Variants in SDCCAG8 observed in about 807,000 individuals in gnomAD.
The protein encoded by SDCCAG8 is SHH signaling and ciliogenesis regulator SDCCAG8.
A neutral mutation model predicts 101.8 loss-of-function variants in SDCCAG8; 74 were observed. That is an observed-to-expected ratio of 0.73 (90% CI 0.60 to 0.88). SDCCAG8 has a LOEUF of 0.88. Ranked by LOEUF, SDCCAG8 falls within the 40% of genes least tolerant of loss-of-function variation. The probability of loss-of-function intolerance (pLI) is 0.00; values close to 1 mark genes in which losing one functional copy is unlikely to be tolerated. For synonymous variants in SDCCAG8, 281 were observed against 292.9 expected (o/e 0.96, Z 0.41); for missense variants, 787 against 822.6 (o/e 0.96, Z 0.53).
At chr1:243,309,948 C>T (rs1213295184) in intron 8 of SDCCAG8, among the ~76,000 whole-genome samples, 1 of 152,142 alleles carries the variant, frequency 6.6e-6, no homozygotes, top group East Asian at 1.9e-4. Flanking sequence ...TCTGCAACCT[C>T]TGCTTCTCGG....
At chr1:243,384,722 C>T (rs73118371) in intron 13 of SDCCAG8, among the ~76,000 whole-genome samples, 123 of 151,914 alleles carry the variant, frequency 8.1e-4, no homozygotes, top group African/African-American at 2.8e-3. Flanking sequence ...GTAGGAGGGT[C>T]GCTTGAGCCC....
chr1:243,261,004 T>G (rs2067154228), intron 1 of SDCCAG8, among the ~76,000 whole-genome samples: 1 of 152,210 alleles, frequency 6.6e-6, no homozygotes, highest in African/African-American at 2.4e-5. Context: ...ACGAAAAGTT[T>G]GGACTGGATG....
At chr1:243,434,657 T>C (rs1240222368) in intron 16 of SDCCAG8, among the ~76,000 whole-genome samples, 1 of 152,204 alleles carries the variant, frequency 6.6e-6, no homozygotes, top group African/African-American at 2.4e-5. Context: ...TGTAAGCCAA[T>C]TGGGGTTCAA....
At chr1:243,414,635 C>A (rs137986483) in intron 13 of SDCCAG8, among the ~76,000 whole-genome samples, 1 of 152,058 alleles carries the variant, frequency 6.6e-6, no homozygotes, top group African/African-American at 2.4e-5. Flanking sequence ...AGTTCCACAG[C>A]GGTACATAGA....
At chr1:243,328,557 G>C (rs560717828) in intron 9 of SDCCAG8, among the ~76,000 whole-genome samples, 1 of 151,848 alleles carries the variant, frequency 6.6e-6, no homozygotes, top group African/African-American at 2.4e-5. Context: ...GATTACAGGC[G>C]TGAGCCACCA....
At chr1:243,432,122 T>C (rs995087865) in intron 16 of SDCCAG8, among the ~76,000 whole-genome samples, 6 of 152,356 alleles carry the variant, frequency 3.9e-5, no homozygotes, top group Non-Finnish European at 8.8e-5. Context: ...TTTGACATTT[T>C]AATTTGGGGA....
At chr1:243,499,603 CA>C in intron 17 of SDCCAG8, 152 bp from the exon 18 acceptor site, 1 of 705,440 alleles carries the variant, frequency 1.4e-6, no homozygotes. Flanking sequence ...AGATGAGGCA[CA>C]AACTTTTCAT....
rs397830130 is a variant in SDCCAG8 at position 243,447,248 on chromosome 1, CAAAAAAAAAAA to C, written c.1985+20708_1985+20718del. Among the ~76,000 whole-genome samples the C allele has an allele frequency of 1.4e-4, 6 of 41,380 alleles. 1 individual carries two copies. Among genetic ancestry groups the C allele is most frequent in the African/African-American group, 3.8e-4 (3 of 7,846 alleles). The allele number at this position is 41,380 out of a possible 152,430, so 27.1% of individuals were successfully genotyped here. A position where few individuals can be genotyped will look rare whatever the true frequency, so the allele number is the denominator to read the frequency against. The stretch of plus-strand genomic sequence containing the variant: ...TGGGTGACAGAACAAGACTTCGTCT[CAAAAAAAAAAA>C]AAAAAAAAAAAAAAAAACCATGCCT... On this transcript the variant is annotated intron_variant, in intron 16 of 17. Transcript: ENST00000366541.
intron 1 of SDCCAG8, among the ~76,000 whole-genome samples, chr1:243,267,064 G>A (rs2067670620): frequency 6.6e-6 from 1 of 152,048 alleles, no homozygotes; most frequent in African/African-American, 2.4e-5. Flanking sequence ...CTAACACGGT[G>A]AAACCCTGTC....
Position 243,286,401 on chromosome 1 carries a change from A to C in SDCCAG8, c.546+4A>C. On this transcript the variant is annotated splice_donor_region_variant and intron_variant, in intron 5 of 17. Transcript: ENST00000366541. Reference sequence around the variant, plus strand: ...ACAAACACTTCTGGATGCATCCGTGAGCATTATTTTAAATCATAAATTTTA... The same window carrying C: ...ACAAACACTTCTGGATGCATCCGTGCGCATTATTTTAAATCATAAATTTTA... 1.2e-6 allele frequency: 2 copies of C among 1,613,928 alleles called. No homozygotes were observed. The highest frequency in any genetic ancestry group is 1.7e-6 in the Non-Finnish European group (2 of 1,179,800).
chr1:243,493,459 A>C (rs1667065802), intron 17 of SDCCAG8, among the ~76,000 whole-genome samples: 1 of 152,206 alleles, frequency 6.6e-6, no homozygotes, highest in African/African-American at 2.4e-5. Context: ...TCAACCATCA[A>C]GATGATTTTC....
At chr1:243,447,799 A>T (rs941988602) in intron 16 of SDCCAG8, among the ~76,000 whole-genome samples, 2 of 152,234 alleles carry the variant, frequency 1.3e-5, no homozygotes, top group African/African-American at 4.8e-5. Context: ...TAATATAAAT[A>T]AAAATATTTG....
At chr1:243,465,405 C>T (rs1249411000) in intron 16 of SDCCAG8, among the ~76,000 whole-genome samples, 1 of 152,168 alleles carries the variant, frequency 6.6e-6, no homozygotes. Flanking sequence ...CAATGGGAGT[C>T]GTGAATTTGG....
intron 4 of SDCCAG8, among the ~76,000 whole-genome samples, chr1:243,285,064 G>A (rs906316332): frequency 1.9e-4 from 29 of 152,064 alleles, no homozygotes; most frequent in African/African-American, 6.8e-4. Context: ...TGTATTTTTA[G>A]TAGAGATGGG....
At chr1:243,398,677 A>G (rs551851646) in intron 13 of SDCCAG8, among the ~76,000 whole-genome samples, 6 of 152,354 alleles carry the variant, frequency 3.9e-5, no homozygotes, top group Non-Finnish European at 7.4e-5. Context: ...AAATAATAAC[A>G]TAAAACTCAC....
chr1:243,499,791 A>T lies in SDCCAG8; in HGVS notation c.*6A>T. ...TGCCACAATCTGATTGCTGACCTGGATGGAACAGAGTGAAATAAATGATTT... is the reference window on the plus strand; with the variant it reads ...TGCCACAATCTGATTGCTGACCTGGTTGGAACAGAGTGAAATAAATGATTT... On this transcript the variant is annotated 3_prime_UTR_variant, in exon 18 of 18. Transcript: ENST00000366541. 1 of 1,612,388 alleles carries T rather than the reference A, an allele frequency of 6.2e-7. No homozygotes were observed. The highest frequency in any genetic ancestry group is 8.5e-7 in the Non-Finnish European group (1 of 1,178,780).
At chr1:243,417,914 C>A in intron 14 of SDCCAG8, 54 bp from the exon 15 acceptor site, 1 of 1,313,600 alleles carries the variant, frequency 7.6e-7, no homozygotes, top group Non-Finnish European at 1.1e-6. Context: ...GGAAGCACTG[C>A]AGAGCGACAA....
intron 13 of SDCCAG8, among the ~76,000 whole-genome samples, chr1:243,406,012 CCA>C (rs1360101599): frequency 1.3e-5 from 2 of 152,144 alleles, no homozygotes; most frequent in Admixed American, 6.5e-5. Context: ...TATAGAAACG[CCA>C]CTAGAATGCA....
intron 16 of SDCCAG8, among the ~76,000 whole-genome samples, chr1:243,453,223 C>T (rs2148133570): frequency 6.6e-6 from 1 of 152,212 alleles, no homozygotes; most frequent in South Asian, 2.1e-4. Flanking sequence ...GCAGGTTTCG[C>T]TTGGCACTCA....
Sources: gnomAD v4.1 joint callset for allele counts (sites outside exome capture counted in the v4.1 genomes callset) on GRCh38, gnomAD v4.1.1 for gene constraint, MANE v1.5 for transcripts, NCBI Gene and HGNC (gene_info 2026-07-23, HGNC 2026-07-21) for gene names.